Variants in ANXA8 observed in about 807,000 individuals in gnomAD.
The protein encoded by ANXA8 is VAC-beta.
A neutral mutation model predicts 26.8 loss-of-function variants in ANXA8; 9 were observed. The ratio of observed to expected loss-of-function variants is 0.34; its 90% CI spans 0.20 to 0.59. The LOEUF is 0.59. ANXA8 is among the 20% of genes least tolerant of loss of function. The pLI, the probability that ANXA8 is intolerant of heterozygous loss-of-function variation, is 0.84. For synonymous variants in ANXA8, 39 were observed against 94.8 expected, an observed-to-expected ratio of 0.41 and a Z score of 3.42; for missense variants, 83 against 238.5, an observed-to-expected ratio of 0.35 and a Z score of 4.29.
At chr10:47,620,197 T>A in the ANXA8 span, among the ~76,000 whole-genome samples, 2 of 109,322 alleles carry the variant, frequency 1.8e-5, 1 homozygote, top group Non-Finnish European at 4.0e-5. Flanking sequence ...GTAGTGAGGG[T>A]AAAGTGTAAG....
the ANXA8 span, among the ~76,000 whole-genome samples, chr10:47,593,394 C>G: frequency 6.7e-6 from 1 of 149,740 alleles, no homozygotes; most frequent in African/African-American, 2.5e-5. Flanking sequence ...TCCATCTCCC[C>G]TCCCCAGTGC....
chr10:47,631,711 T>C, the ANXA8 span, among the ~76,000 whole-genome samples: 1 of 150,530 alleles, frequency 6.6e-6, no homozygotes, highest in African/African-American at 2.5e-5. Flanking sequence ...CTGATCTTAG[T>C]ACCAAGTCAT....
At chr10:47,699,682 G>C in the ANXA8 span, among the ~76,000 whole-genome samples, 2 of 151,320 alleles carry the variant, frequency 1.3e-5, no homozygotes, top group Non-Finnish European at 2.9e-5. Context: ...AGAAAAAAAT[G>C]CTGGGTGTGG....
chr10:47,484,445 A>T (rs1178971986), upstream of ANXA8: 16 of 1,088,568 alleles, frequency 1.5e-5, no homozygotes, highest in African/African-American at 5.4e-5. Context: ...ATGCAATATT[A>T]TTTTTTTTTT....
chr10:47,918,423 A>G, the ANXA8 span, among the ~76,000 whole-genome samples: 1 of 35,096 alleles, frequency 2.8e-5, no homozygotes, highest in African/African-American at 1.5e-4. Flanking sequence ...GAAAGAAAGA[A>G]AGAAAGAAAG....
chr10:47,733,233 C>CTT, the ANXA8 span, among the ~76,000 whole-genome samples: 82 of 59,670 alleles, frequency 1.4e-3, no homozygotes, highest in East Asian at 3.0e-3. Context: ...CTTTCTTTCT[C>CTT]TCTTTCTTTC....
chr10:47,754,836 G>A, the ANXA8 span, among the ~76,000 whole-genome samples: 1 of 39,174 alleles, frequency 2.6e-5, no homozygotes, highest in Non-Finnish European at 5.0e-5. Context: ...TGGAGGGCAC[G>A]AGGAAGGTCA....
chr10:47,887,589 A>AG, the ANXA8 span, among the ~76,000 whole-genome samples: 51 of 470 alleles, frequency 0.11, 4 homozygotes, highest in African/African-American at 0.27. Flanking sequence ...AGCAGGGAAG[A>AG]GGGGGGTGGG....
chr10:47,596,766 T>C, the ANXA8 span, among the ~76,000 whole-genome samples: 1 of 147,920 alleles, frequency 6.8e-6, no homozygotes, highest in Non-Finnish European at 1.5e-5. Flanking sequence ...AATTACAGAA[T>C]GAATTGAATA....
At chr10:47,939,333 G>A in the ANXA8 span, among the ~76,000 whole-genome samples, 2 of 138,410 alleles carry the variant, frequency 1.4e-5, no homozygotes, top group Non-Finnish European at 1.5e-5. Flanking sequence ...AGCACAAGTG[G>A]CATGGTCTTG....
the ANXA8 span, among the ~76,000 whole-genome samples, chr10:47,539,383 T>C: frequency 1.7e-5 from 2 of 116,728 alleles, no homozygotes; most frequent in Admixed American, 9.6e-5. Context: ...TTGTCTCTGA[T>C]CTATCCAACC....
At chr10:47,986,600 T>C in the ANXA8 span, 10 of 359,256 alleles carry the variant, frequency 2.8e-5, no homozygotes, top group Non-Finnish European at 5.5e-5. Context: ...GCAGTTGAAG[T>C]GGCTTTGAAA....
chr10:47,946,063 G>C, the ANXA8 span, among the ~76,000 whole-genome samples: 1 of 147,090 alleles, frequency 6.8e-6, no homozygotes, highest in Non-Finnish European at 1.5e-5. Flanking sequence ...CTTTCTCCCT[G>C]CACTCCAGCC....
chr10:47,701,694 G>A, the ANXA8 span, among the ~76,000 whole-genome samples: 1 of 151,708 alleles, frequency 6.6e-6, no homozygotes, highest in Non-Finnish European at 1.5e-5. Context: ...AATGCAGGAA[G>A]GATAAACCAG....
chr10:47,701,254 T>C, the ANXA8 span, among the ~76,000 whole-genome samples: 1 of 151,096 alleles, frequency 6.6e-6, no homozygotes, highest in Non-Finnish European at 1.5e-5. Flanking sequence ...TGTGCCCTCT[T>C]ATACATTGGT....
chr10:47,474,437 C>A, intron 7 of ANXA8, 39 bp from the exon 8 acceptor site: 1 of 1,295,140 alleles, frequency 7.7e-7, no homozygotes, highest in South Asian at 1.3e-5. Context: ...GTGAGGGAGA[C>A]CAGGGAGGTG....
At chr10:47,510,855 A>G in the ANXA8 span, among the ~76,000 whole-genome samples, 2 of 127,952 alleles carry the variant, frequency 1.6e-5, no homozygotes, top group Admixed American at 8.1e-5. Flanking sequence ...AAAAGAAAGA[A>G]AAGTTTAAAA....
chr10:47,665,496 A>G, the ANXA8 span, among the ~76,000 whole-genome samples: 1 of 151,058 alleles, frequency 6.6e-6, no homozygotes, highest in Non-Finnish European at 1.5e-5. Flanking sequence ...TATGGTTTGA[A>G]CAGTGCTATA....
At chr10:47,486,108 T>TAAAA (rs1373322520), upstream of ANXA8, among the ~76,000 whole-genome samples, 2 of 144,248 alleles carry the variant, frequency 1.4e-5, no homozygotes, top group Admixed American at 6.9e-5. Context: ...ACTCCGTCTT[T>TAAAA]AAAAAAAAAA....
Sources: gnomAD v4.1 joint callset for allele counts (sites outside exome capture counted in the v4.1 genomes callset) on GRCh38, gnomAD v4.1.1 for gene constraint, MANE v1.5 for transcripts, NCBI Gene and HGNC (gene_info 2026-07-23, HGNC 2026-07-21) for gene names.